ITGAL: variants seen among roughly 807,000 people sequenced by gnomAD.
ITGAL encodes integrin alpha-L.
Under a neutral mutation model 138.4 loss-of-function variants are expected in ITGAL, and 68 were observed. The observed-to-expected ratio is 0.49, with a 90% CI of 0.40 to 0.60. The LOEUF is 0.60. Among genes scored for constraint, ITGAL ranks in the 20% least tolerant of loss-of-function variants. The pLI, the probability that ITGAL is intolerant of heterozygous loss-of-function variation, is 0.00. For synonymous variants in ITGAL, 561 were observed against 584.3 expected (o/e 0.96, Z 0.57); for missense variants, 1,256 against 1,478.6 (o/e 0.85, Z 2.47).
rs773871697 is a variant in ITGAL, at chr16:30,510,407, C to A, written c.2555C>A (p.Ser852Tyr). Residue 852 changes from serine (S) to tyrosine (Y), a missense_variant, in exon 22 of 31, where the codon TCC becomes TAC. Around this residue, in one of 3 missense-constraint regions of ITGAL, gnomAD observed 867 missense variants for 972.5 expected, o/e 0.89. Transcript: ENST00000356798. ...AGCTGCGAGGAGCTTCCTGAAGAGT[C>A]CAGGCTTCTGTCCAGGGCATTATCT... ...PVSCEELPEE[S>Y]RLLSRALSCN... The A allele has an allele frequency of 6.2e-7, 1 of 1,613,342 alleles. No homozygotes were observed. Among genetic ancestry groups the A allele is most frequent in the Non-Finnish European group, 8.5e-7 (1 of 1,179,392 alleles).
chr16:30,510,767 G>T (rs2051077098), intron 22 of ITGAL, 114 bp from the exon 23 acceptor site: 2 of 842,940 alleles, frequency 2.4e-6, no homozygotes, highest in African/African-American at 3.3e-5. Context: ...TCAGTGCTTG[G>T]GGTGCAGTGA....
Position 30,506,744 on chromosome 16 carries a change from C to A in ITGAL, c.2396C>A (p.Ala799Asp), listed in dbSNP as rs756464450. Residue 799 changes from alanine (A) to aspartate (D), a missense_variant, in exon 21 of 31, where the codon GCC (alanine) becomes GAC (aspartate). Physicochemically the swap from Ala to Asp is moderately radical, Grantham distance 126. This residue lies in a region of ITGAL where 867 missense variants were observed against 972.5 expected (regional missense o/e 0.89). Coordinates refer to ENST00000356798, the MANE Select transcript of ITGAL (RefSeq NM_002209.3). The part of the protein sequence containing the change: ...RSRALRLTAF[A>D]SLSVELSLSN... ...AGAGCCCTGCGTCTAACTGCTTTTGCCAGCCTCTCTGTGGAGCTGAGCCTG... is the reference window on the plus strand; with the variant it reads ...AGAGCCCTGCGTCTAACTGCTTTTGACAGCCTCTCTGTGGAGCTGAGCCTG... 3.1e-6 allele frequency: 5 copies of A among 1,613,846 alleles called. No homozygotes were observed. The South Asian group carries it at 5.5e-5, about 18-fold the overall frequency.
intron 29 of ITGAL, 107 bp from the exon 30 acceptor site, chr16:30,519,750 C>T (rs1001619428): frequency 2.5e-4 from 184 of 749,648 alleles, no homozygotes; most frequent in Middle Eastern, 1.6e-3. Flanking sequence ...AGACTCCAGG[C>T]GGGTGATGCA....
intron 15 of ITGAL, among the ~76,000 whole-genome samples, chr16:30,497,783 CT>C (rs1009219047): frequency 1.5e-3 from 208 of 139,502 alleles, no homozygotes; most frequent in Admixed American, 1.4e-3. Flanking sequence ...CAGCCCTTTT[CT>C]TTTTTTTTTT....
chr16:30,498,391 C>T (rs1407861856), intron 15 of ITGAL, among the ~76,000 whole-genome samples: 1 of 152,048 alleles, frequency 6.6e-6, no homozygotes, highest in Non-Finnish European at 1.5e-5. Flanking sequence ...ATGACTGCAC[C>T]ACTGCACTCC....
chr16:30,487,224 C>T (rs1361303464), intron 9 of ITGAL, among the ~76,000 whole-genome samples: 2 of 151,774 alleles, frequency 1.3e-5, no homozygotes, highest in Admixed American at 1.3e-4. Context: ...AATCTTCCTG[C>T]TTCAGCCTCA....
rs1332646261 is a variant in ITGAL, at chr16:30,510,943, G to T, written c.2682G>T (p.Leu894Phe). 3 of 1,613,710 alleles carry T rather than the reference G, an allele frequency of 1.9e-6. No homozygotes were observed. Among genetic ancestry groups the T allele is most frequent in the Non-Finnish European group, 2.5e-6 (3 of 1,179,930 alleles). ...VNSSWGDSVE[L>F]HANVTCNNED... ...GCTCCTGGGGGGACTCGGTTGAATT[G>T]CACGCCAATGTGACCTGGTGAGCAG... Residue 894 changes from leucine (L) to phenylalanine (F), a missense_variant, in exon 23 of 31, where the codon TTG becomes TTT. Around this residue, in one of 3 missense-constraint regions of ITGAL, gnomAD observed 867 missense variants for 972.5 expected, o/e 0.89. Transcript: ENST00000356798.
In ITGAL at chr16:30,493,470, G is replaced by A. The variant is rs576137340; in HGVS notation, c.1214-742G>A. ...TTTTTGTATTTTTAGTAGAGACGGC[G>A]TTTCACCGTGTTAGCCACGATGGTC... is the stretch of plus-strand genomic sequence containing the variant. On this transcript the variant is annotated intron_variant, in intron 11 of 30. Coordinates refer to ENST00000356798, the MANE Select transcript of ITGAL (RefSeq NM_002209.3). Among the ~76,000 whole-genome samples the A allele has an allele frequency of 1.6e-4, 24 of 151,708 alleles. No individual in the cohort carries two copies. The East Asian group carries it at 3.0e-3, about 19-fold the overall frequency.
chr16:30,509,966 G>A (rs914495744), intron 21 of ITGAL, among the ~76,000 whole-genome samples: 2 of 151,746 alleles, frequency 1.3e-5, no homozygotes, highest in Non-Finnish European at 2.9e-5. Context: ...TTGAGCCTGC[G>A]AGTCAGAGGT....
At chr16:30,520,496 C>T (rs1895339789) in intron 30 of ITGAL, among the ~76,000 whole-genome samples, 1 of 152,088 alleles carries the variant, frequency 6.6e-6, no homozygotes, top group Non-Finnish European at 1.5e-5. Flanking sequence ...CTGGCAGAGC[C>T]AGGACGAGGC....
intron 11 of ITGAL, among the ~76,000 whole-genome samples, chr16:30,489,793 A>G (rs955167683): frequency 1.3e-5 from 2 of 151,828 alleles, no homozygotes; most frequent in African/African-American, 4.8e-5. Context: ...AAAGTTAGCC[A>G]GGCATGGTGG....
chr16:30,495,970 A>G (rs2050792901), intron 13 of ITGAL, 127 bp from the exon 14 acceptor site: 1 of 746,054 alleles, frequency 1.3e-6, no homozygotes, highest in East Asian at 2.6e-5. Flanking sequence ...AACCCTGGTT[A>G]GTCTAACAGC....
intron 9 of ITGAL, among the ~76,000 whole-genome samples, chr16:30,488,348 T>G (rs2050676813): frequency 6.6e-6 from 1 of 151,992 alleles, no homozygotes; most frequent in South Asian, 2.1e-4. Context: ...TTCATTGAAG[T>G]GAGAAGCCTG....
At chr16:30,474,866 T>C (rs993320571) in intron 2 of ITGAL, among the ~76,000 whole-genome samples, 11 of 149,272 alleles carry the variant, frequency 7.4e-5, no homozygotes, top group African/African-American at 2.7e-4. Flanking sequence ...TTTTCTTTTT[T>C]TTTTTTTTGA....
chr16:30,510,518 G>C, intron 22 of ITGAL, 47 bp downstream of exon 22: 1 of 1,096,076 alleles, frequency 9.1e-7, no homozygotes, highest in Non-Finnish European at 1.4e-6. Flanking sequence ...GGGGCCCTGA[G>C]CTGGTGGAGG....
chr16:30,505,985 C>T (rs1413055993), intron 20 of ITGAL, among the ~76,000 whole-genome samples: 8 of 152,182 alleles, frequency 5.3e-5, no homozygotes, highest in Admixed American at 1.3e-4. Context: ...CATGGCCTGG[C>T]GCGGTGGCTC....
intron 11 of ITGAL, among the ~76,000 whole-genome samples, chr16:30,491,689 G>A (rs964943324): frequency 2.6e-5 from 4 of 151,710 alleles, no homozygotes; most frequent in African/African-American, 9.7e-5. Flanking sequence ...GGAGTGCAGT[G>A]GCACCATCTT....
rs1195878642 is a variant in ITGAL at position 30,494,196 on chromosome 16, C to T, written c.1214-16C>T. On this transcript the variant is annotated splice_polypyrimidine_tract_variant and intron_variant, in intron 11 of 30. Coordinates refer to ENST00000356798, the MANE Select transcript of ITGAL (RefSeq NM_002209.3). This position sits in a 1 kb window ranked among gnomAD's most constrained non-coding sequence, Gnocchi z 4.2. ...ATCCTGTGTTCCTAACTCCACACCC[C>T]ACACACTTTCCTCAGGTTACACCGT... is the stretch of plus-strand genomic sequence containing the variant. 6.3e-7 allele frequency: 1 copy of T among 1,582,980 alleles called. No homozygotes were observed. Among genetic ancestry groups the T allele is most frequent in the African/African-American group, 1.3e-5 (1 of 74,588 alleles).
chr16:30,499,733 A>ATGTGTGTATATATATATATATATT lies in ITGAL; in HGVS notation c.2145+245_2145+246insGTGTGTATATATATATATATATTT. On this transcript the variant is annotated intron_variant, in intron 17 of 30. Coordinates refer to ENST00000356798, the MANE Select transcript of ITGAL (RefSeq NM_002209.3). ...TATATGTATATATATATATATATAT[A>ATGTGTGTATATATATATATATATT]TTTTTTTTTTTTTGACACAGAGTCT... 1.3e-3 allele frequency among the ~76,000 whole-genome samples: 112 copies of ATGTGTGTATATATATATATATATT among 88,362 alleles called. 3 individuals carry two copies. In the East Asian group the frequency reaches 0.02, roughly 16 times the overall value. The allele number at this position is 88,362 out of a possible 152,430, so 58.0% of individuals were successfully genotyped here.
Sources: allele counts gnomAD v4.1 joint callset (sites outside exome capture counted in the v4.1 genomes callset), GRCh38; gene constraint gnomAD v4.1.1; regional missense constraint gnomAD v4.1.1; non-coding constraint Gnocchi (gnomAD v3.1); transcripts MANE v1.5; gene names NCBI Gene and HGNC (gene_info 2026-07-23, HGNC 2026-07-21).